ITGA3: variants seen among roughly 807,000 people sequenced by gnomAD.
ITGA3 encodes integrin alpha-3.
Under a neutral mutation model 131.1 loss-of-function variants are expected in ITGA3, and 70 were observed. The observed-to-expected ratio is 0.53, with a 90% CI of 0.44 to 0.65. The LOEUF is 0.65. Ranked by LOEUF, ITGA3 falls within the 30% of genes least tolerant of loss-of-function variation. The pLI, the probability that ITGA3 is intolerant of heterozygous loss-of-function variation, is 0.00. For synonymous variants in ITGA3, 537 were observed against 571.6 expected (o/e 0.94, Z 0.86); for missense variants, 1,098 against 1,388.6 (o/e 0.79, Z 3.33).
chr17:50,061,607 TCCCACCCTGAC>T (rs919890544), intron 1 of ITGA3, among the ~76,000 whole-genome samples: 4 of 151,952 alleles, frequency 2.6e-5, no homozygotes, highest in Non-Finnish European at 4.4e-5. Flanking sequence ...CTGCCAGCGC[TCCCACCCTGAC>T]CCCAGTGATC....
Position 50,056,289 on chromosome 17 carries a change from G to C in ITGA3, c.-151G>C. ...GAGCGCAGCTGTGAAACTGGCTGGG[G>C]CTGGGGGCACGAAACCGATCAGCGC... is the stretch of plus-strand genomic sequence containing the variant. On this transcript the variant is annotated 5_prime_UTR_variant, in exon 1 of 26. Transcript: ENST00000320031. The surrounding 1 kb of genome is among the most constrained non-coding windows in gnomAD (Gnocchi z 5.6). 1 of 526,108 alleles carries C rather than the reference G, an allele frequency of 1.9e-6. No individual in the cohort carries two copies. Among genetic ancestry groups the C allele is most frequent in the Non-Finnish European group, 3.2e-6 (1 of 309,002 alleles). The allele number at this position is 526,108 out of a possible 1,614,324, so 32.6% of individuals were successfully genotyped here.
rs1463912268 is a variant in ITGA3, at chr17:50,072,465, T to C, written c.1156+283T>C. Among the ~76,000 whole-genome samples the C allele has an allele frequency of 2.0e-4, 28 of 138,700 alleles. No individual in the cohort carries two copies. The Admixed American group carries it at 2.1e-3, about 11-fold the overall frequency. 91.0% of individuals were successfully genotyped at this position (138,700 alleles called of 152,430 possible). ...AGTAGAGAACTGATGGGGCACAACATGGGTGTGGAAACTGGCCTGGTGTGC... is the reference window on the plus strand; with the variant it reads ...AGTAGAGAACTGATGGGGCACAACACGGGTGTGGAAACTGGCCTGGTGTGC... On this transcript the variant is annotated intron_variant, in intron 7 of 25. Coordinates refer to ENST00000320031, the MANE Select transcript of ITGA3 (RefSeq NM_002204.4).
chr17:50,070,796 C>A, intron 4 of ITGA3, 48 bp from the exon 5 acceptor site: 1 of 1,286,012 alleles, frequency 7.8e-7, no homozygotes, highest in Non-Finnish European at 1.1e-6. Flanking sequence ...AACCAGAAAC[C>A]GGTGGTGACT....
chr17:50,066,126 T>A, intron 3 of ITGA3: 1 of 148,410 alleles, frequency 6.7e-6, no homozygotes. Context: ...CTTCCCAGAC[T>A]CAAGCGACCC....
Position 50,056,584 on chromosome 17 carries a change from GGC to G in ITGA3, c.146_147del (p.Gly49GlufsTer53). On this transcript the variant is annotated frameshift_variant, in exon 1 of 26. Coordinates refer to ENST00000320031, the MANE Select transcript of ITGA3 (RefSeq NM_002204.4). LOFTEE classifies it high-confidence loss of function. The surrounding 1 kb of genome is among the most constrained non-coding windows in gnomAD (Gnocchi z 5.6). ...FLVVKEAGNP[G>X]SLFGYSVALH... ...GGTAGTGAAGGAGGCCGGGAACCCG[GGC>G]AGCCTCTTCGGCTACTCGGTCGCCC... The G allele has an allele frequency of 1.3e-5, 21 of 1,591,962 alleles. No homozygotes were observed. Among genetic ancestry groups the G allele is most frequent in the Non-Finnish European group, 1.8e-5 (21 of 1,170,204 alleles).
At position 50,079,487 on chromosome 17, in the gene ITGA3, C is replaced by A; in HGVS notation, c.2636C>A (p.Pro879Gln). ...SPQRRRRQLDPGGGQGPPPVT... is the reference protein window; with the variant it reads ...SPQRRRRQLDQGGGQGPPPVT... ...CAGCGCAGGCGGCGACAGCTGGATC[C>A]AGGGGGAGGCCAGGGCCCCCCACCT... Residue 879 changes from proline (P) to glutamine (Q), a missense_variant, in exon 21 of 26, where the codon CCA (proline) becomes CAA (glutamine). Physicochemically the swap from Pro to Gln is moderately conservative, Grantham distance 76 (BLOSUM62 -1). Around this residue, in one of 3 missense-constraint regions of ITGA3, gnomAD observed 699 missense variants for 829.2 expected, o/e 0.84. Transcript: ENST00000320031. 1 of 1,582,648 alleles carries A rather than the reference C, an allele frequency of 6.3e-7. No homozygotes were observed.
Position 50,071,462 on chromosome 17 carries a change from G to A in ITGA3, c.903G>A (p.Ser301=), listed in dbSNP as rs757988580. 22 of 1,613,126 alleles carry A rather than the reference G, an allele frequency of 1.4e-5. No individual in the cohort carries two copies. Among genetic ancestry groups the A allele is most frequent in the Admixed American group, 1.2e-4 (7 of 60,004 alleles). Residue 301 remains serine (S), a synonymous_variant, in exon 6 of 26, where the codon TCG becomes TCA. Coordinates refer to ENST00000320031, the MANE Select transcript of ITGA3 (RefSeq NM_002204.4). ...DLRRRQVLEG[S]QVGAYFGSAI... is the part of the protein sequence containing the mutation. ...GGAGGAGGCAGGTGCTGGAGGGCTC[G>A]CAGGTGGGCGCCTATTTTGGCAGCG...
At chr17:50,068,407 G>T (rs925868410) in intron 4 of ITGA3, 102 bp downstream of exon 4, 2 of 1,312,158 alleles carry the variant, frequency 1.5e-6, no homozygotes, top group Non-Finnish European at 2.1e-6. Flanking sequence ...ACTAGAAACA[G>T]GACCTCATGC....
chr17:50,065,008 C>A (rs1417664441), intron 3 of ITGA3: 7 of 167,172 alleles, frequency 4.2e-5, no homozygotes, highest in African/African-American at 4.8e-5. Flanking sequence ...CCCTGCTGAC[C>A]CCGGCTCACC....
chr17:50,079,912 G>A (rs761723986), intron 21 of ITGA3, among the ~76,000 whole-genome samples: 1 of 152,196 alleles, frequency 6.6e-6, no homozygotes, highest in Non-Finnish European at 1.5e-5. Flanking sequence ...AGAGGAGAGC[G>A]GGCCTGGCAA....
chr17:50,057,557 C>G lies in ITGA3; in HGVS notation c.206+912C>G, dbSNP rs574284344. On this transcript the variant is annotated intron_variant, in intron 1 of 25. Coordinates refer to ENST00000320031, the MANE Select transcript of ITGA3 (RefSeq NM_002204.4). ...GTCCAGGCTTCAGAGGTCTCTCTGC[C>G]GTGGCCTCAGAGCGCGCGGAGGTTG... Among the ~76,000 whole-genome samples the G allele has an allele frequency of 4.6e-5, 7 of 152,266 alleles. No individual in the cohort carries two copies. The South Asian group carries it at 1.5e-3, about 32-fold the overall frequency.
At position 50,089,234 on chromosome 17, in the gene ITGA3, C is replaced by T; in HGVS notation, c.*156C>T. 1.2e-6 allele frequency: 2 copies of T among 1,613,688 alleles called. No homozygotes were observed. Among genetic ancestry groups the T allele is most frequent in the Non-Finnish European group, 1.7e-6 (2 of 1,179,920 alleles). The stretch of plus-strand genomic sequence containing the variant: ...CTGCCCACCAAGAAGCACTGGGTGA[C>T]CAGCTGGCAGACTCGGGACCAATAC... On this transcript the variant is annotated 3_prime_UTR_variant, in exon 26 of 26. Coordinates refer to ENST00000320031, the MANE Select transcript of ITGA3 (RefSeq NM_002204.4).
chr17:50,087,693 A>AT (rs1909515992), intron 23 of ITGA3, 51 bp from the exon 24 acceptor site: 1 of 1,574,378 alleles, frequency 6.4e-7, no homozygotes, highest in East Asian at 2.3e-5. Flanking sequence ...AAGGGTGAGG[A>AT]TGGGCCTAAG....
intron 10 of ITGA3, among the ~76,000 whole-genome samples, chr17:50,074,824 G>A (rs528167827): frequency 1.3e-5 from 2 of 152,318 alleles, no homozygotes; most frequent in East Asian, 3.9e-4. Context: ...TCTGGAAAGG[G>A]GGACGCATTT....
In ITGA3 at chr17:50,089,319, A is replaced by G. The variant is rs111406341; in HGVS notation, c.*241A>G. ...CCCAGTGTCCCCTTTCTTCCTATTT[A>G]TCATAAGTTATGCCTCTGACAGTCC... On this transcript the variant is annotated 3_prime_UTR_variant, in exon 26 of 26. Coordinates refer to ENST00000320031, the MANE Select transcript of ITGA3 (RefSeq NM_002204.4). 2.0e-5 allele frequency: 30 copies of G among 1,500,776 alleles called. 1 individual carries two copies. The highest frequency in any genetic ancestry group is 2.0e-4 in the African/African-American group (14 of 70,650). 93.0% of individuals were successfully genotyped at this position (1,500,776 alleles called of 1,614,324 possible).
intron 12 of ITGA3, among the ~76,000 whole-genome samples, chr17:50,075,995 G>A (rs546825614): frequency 2.4e-4 from 36 of 152,222 alleles, no homozygotes; most frequent in African/African-American, 8.4e-4. Context: ...TCTTGGCTCA[G>A]CCCACCTCTG....
chr17:50,076,733 C>G (rs1378355666), intron 14 of ITGA3, 52 bp downstream of exon 14: 1 of 1,088,726 alleles, frequency 9.2e-7, no homozygotes, highest in Non-Finnish European at 1.4e-6. Context: ...GACGGGGCCT[C>G]ATTAACTGGC....
intron 7 of ITGA3, among the ~76,000 whole-genome samples, 193 bp from the exon 8 acceptor site, chr17:50,073,723 G>A (rs905180421): frequency 6.6e-6 from 1 of 152,142 alleles, no homozygotes; most frequent in African/African-American, 2.4e-5. Flanking sequence ...GTGATAGGAG[G>A]AAGCTGGGCT....
At chr17:50,082,901 G>A (rs930700155) in intron 23 of ITGA3, among the ~76,000 whole-genome samples, 1 of 152,148 alleles carries the variant, frequency 6.6e-6, no homozygotes, top group Non-Finnish European at 1.5e-5. Flanking sequence ...CAGGAAACTT[G>A]AAAAAGAAGT....
Sources: allele counts gnomAD v4.1 joint callset (sites outside exome capture counted in the v4.1 genomes callset), GRCh38; gene constraint gnomAD v4.1.1; regional missense constraint gnomAD v4.1.1; non-coding constraint Gnocchi (gnomAD v3.1); transcripts MANE v1.5; gene names NCBI Gene and HGNC (gene_info 2026-07-23, HGNC 2026-07-21).